DNAL1: variants seen among roughly 807,000 people sequenced by gnomAD.
DNAL1 encodes the protein chromosome 14 open reading frame 168.
DNAL1 carries 17 observed loss-of-function variants against 29.4 expected under a neutral mutation model. The observed-to-expected ratio is 0.58, with a 90% CI of 0.40 to 0.87. The LOEUF is 0.87. Among genes scored for constraint, DNAL1 ranks in the 40% least tolerant of loss-of-function variants. The probability of loss-of-function intolerance (pLI) is 0.00; values close to 1 mark genes in which losing one functional copy is unlikely to be tolerated. For synonymous variants in DNAL1, 78 were observed against 76.3 expected, an observed-to-expected ratio of 1.02 and a Z score of -0.12; for missense variants, 188 against 214.1, an observed-to-expected ratio of 0.88 and a Z score of 0.76.
intron 5 of DNAL1, among the ~76,000 whole-genome samples, chr14:73,683,942 A>G (rs1275334863): frequency 6.6e-6 from 1 of 151,914 alleles, no homozygotes; most frequent in Non-Finnish European, 1.5e-5. Context: ...CCTGGCCTCA[A>G]GTGATCCACC....
intron 6 of DNAL1, among the ~76,000 whole-genome samples, chr14:73,688,586 G>A (rs1892080555): frequency 6.6e-6 from 1 of 152,146 alleles, no homozygotes. Context: ...TGAAGCCATT[G>A]CACTCCAGCC....
intron 4 of DNAL1, among the ~76,000 whole-genome samples, chr14:73,666,741 A>G (rs548767766): frequency 2.6e-5 from 4 of 152,160 alleles, no homozygotes; most frequent in East Asian, 1.9e-4. Flanking sequence ...GTTATCTCCA[A>G]TTGCTGAGGT....
At chr14:73,680,451 C>A (rs1325682673) in intron 5 of DNAL1, among the ~76,000 whole-genome samples, 1 of 152,022 alleles carries the variant, frequency 6.6e-6, no homozygotes, top group Non-Finnish European at 1.5e-5. Flanking sequence ...AGTAGAATTC[C>A]ATAGTTTTAA....
Position 73,654,765 on chromosome 14 carries a change from AATACATACATAC to A in DNAL1, c.4-67_4-56del, listed in dbSNP as rs540475697. ...CAGAGCAAGATTCTGTCTCAAAATA[AATACATACATAC>A]ATACATACATACATTCATACATACA... On this transcript the variant is annotated intron_variant, in intron 1 of 7. Coordinates refer to ENST00000553645, the MANE Select transcript of DNAL1 (RefSeq NM_031427.4). 3,807 of 1,287,512 alleles carry A rather than the reference AATACATACATAC, an allele frequency of 3.0e-3. 12 individuals carry two copies. Among genetic ancestry groups the A allele is most frequent in the Admixed American group, 4.1e-3 (140 of 34,348 alleles). 79.8% of individuals were successfully genotyped at this position (1,287,512 alleles called of 1,614,324 possible). A position where few individuals can be genotyped will look rare whatever the true frequency, so the allele number is the denominator to read the frequency against.
intron 1 of DNAL1, among the ~76,000 whole-genome samples, chr14:73,654,478 G>T (rs1891166577): frequency 6.6e-6 from 1 of 152,158 alleles, no homozygotes; most frequent in Non-Finnish European, 1.5e-5. Context: ...ACAAATTGGG[G>T]CTGGGCACGG....
chr14:73,682,154 A>C (rs1891902771), intron 5 of DNAL1, among the ~76,000 whole-genome samples: 1 of 148,740 alleles, frequency 6.7e-6, no homozygotes, highest in South Asian at 2.1e-4. Flanking sequence ...TAAGAAATTA[A>C]CCTTAGCTTA....
chr14:73,657,920 TG>T (rs1330585653), intron 2 of DNAL1, among the ~76,000 whole-genome samples: 1 of 152,204 alleles, frequency 6.6e-6, no homozygotes, highest in Non-Finnish European at 1.5e-5. Flanking sequence ...TTAGTTCCAT[TG>T]TTTATTTTTG....
rs1485306253 is a variant in DNAL1, at chr14:73,657,350, T to C, written c.43-1497T>C. On this transcript the variant is annotated intron_variant, in intron 2 of 7. Coordinates refer to ENST00000553645, the MANE Select transcript of DNAL1 (RefSeq NM_031427.4). ...CGTGTGCCACCACATCTAGCTGATT[T>C]TTAAATTATTTATAGAAATGAGGTC... 2.0e-5 allele frequency among the ~76,000 whole-genome samples: 3 copies of C among 152,210 alleles called. No individual in the cohort carries two copies. In the South Asian group the frequency reaches 6.2e-4, roughly 32 times the overall value.
chr14:73,658,330 G>A (rs1301766561), intron 2 of DNAL1, among the ~76,000 whole-genome samples: 1 of 152,156 alleles, frequency 6.6e-6, no homozygotes, highest in African/African-American at 2.4e-5. Flanking sequence ...TTGAAATCAG[G>A]TAGTGTGATA....
chr14:73,667,929 T>G (rs542434487), intron 4 of DNAL1, among the ~76,000 whole-genome samples: 30 of 152,174 alleles, frequency 2.0e-4, no homozygotes, highest in Non-Finnish European at 3.7e-4. Flanking sequence ...TTCTTTCATA[T>G]TATACGTATG....
intron 7 of DNAL1, among the ~76,000 whole-genome samples, chr14:73,694,692 CTT>C (rs3041354): frequency 8.4e-5 from 12 of 143,192 alleles, no homozygotes; most frequent in Non-Finnish European, 7.7e-5. Context: ...ACATAGAAAA[CTT>C]TTTTTTTTTT....
intron 7 of DNAL1, among the ~76,000 whole-genome samples, chr14:73,694,284 A>AAATAAATG (rs1892246341): frequency 6.9e-6 from 1 of 144,662 alleles, no homozygotes; most frequent in South Asian, 2.2e-4. Flanking sequence ...ATAAATAAAT[A>AAATAAATG]AATAAAGTCT....
chr14:73,671,551 G>A lies in DNAL1; in HGVS notation c.218G>A (p.Arg73Lys). 1 of 1,488,074 alleles carries A rather than the reference G, an allele frequency of 6.7e-7. No homozygotes were observed. The highest frequency in any genetic ancestry group is 1.4e-5 in the South Asian group (1 of 69,682). 92.2% of individuals were successfully genotyped at this position (1,488,074 alleles called of 1,614,324 possible). Residue 73 changes from arginine to lysine, a missense_variant, in exon 5 of 8, where the codon AGG (arginine) becomes AAG (lysine). Physicochemically the swap from Arg to Lys is conservative, Grantham distance 26 (BLOSUM62 2). Coordinates refer to ENST00000553645, the MANE Select transcript of DNAL1 (RefSeq NM_031427.4). ...IANLNGLKNL[R>K]ILSLGRNNIK... ...TTTCTTTTCACTACAGAAAACTTGA[G>A]GATATTATCTTTAGGAAGAAACAAC...
At chr14:73,691,780 G>A (rs928325327) in intron 7 of DNAL1, among the ~76,000 whole-genome samples, 3 of 149,734 alleles carry the variant, frequency 2.0e-5, no homozygotes, top group Non-Finnish European at 4.4e-5. Context: ...TGCAACCTCC[G>A]CCTCCCGGGT....
chr14:73,687,650 A>C (rs1186229039), intron 6 of DNAL1, among the ~76,000 whole-genome samples: 1 of 152,194 alleles, frequency 6.6e-6, no homozygotes, highest in Non-Finnish European at 1.5e-5. Flanking sequence ...AGGCGGGTGG[A>C]TCACGAGGTC....
chr14:73,687,688 C>T (rs559298671), intron 6 of DNAL1, among the ~76,000 whole-genome samples: 3 of 152,056 alleles, frequency 2.0e-5, no homozygotes, highest in South Asian at 2.1e-4. Context: ...CTGGCTAACA[C>T]GGTGAAACCC....
chr14:73,669,009 T>A (rs1271371806), intron 4 of DNAL1, among the ~76,000 whole-genome samples: 1 of 152,154 alleles, frequency 6.6e-6, no homozygotes. Context: ...CTTTTCTCTG[T>A]GTCTATGTCC....
intron 5 of DNAL1, among the ~76,000 whole-genome samples, chr14:73,683,612 C>T (rs1891942965): frequency 6.6e-6 from 1 of 151,960 alleles, no homozygotes; most frequent in African/African-American, 2.4e-5. Flanking sequence ...CCATCCTCCC[C>T]TCAGCCCCCC....
intron 4 of DNAL1, among the ~76,000 whole-genome samples, chr14:73,668,574 A>T (rs570697674): frequency 2.6e-5 from 4 of 152,282 alleles, no homozygotes; most frequent in Non-Finnish European, 4.4e-5. Context: ...AAATTTTCTC[A>T]CAGTTCTGGA....
Sources: gnomAD v4.1 joint callset for allele counts (sites outside exome capture counted in the v4.1 genomes callset) on GRCh38, gnomAD v4.1.1 for gene constraint, MANE v1.5 for transcripts, NCBI Gene and HGNC (gene_info 2026-07-23, HGNC 2026-07-21) for gene names.